Variants in TATDN1 observed in about 807,000 individuals in gnomAD.
TATDN1 encodes the protein deoxyribonuclease TATDN1.
A neutral mutation model predicts 46.4 loss-of-function variants in TATDN1; 40 were observed. That is an observed-to-expected ratio of 0.86 (90% CI 0.67 to 1.12). TATDN1 has a LOEUF of 1.12. TATDN1 is among the 50% of genes most tolerant of loss of function. The pLI, the probability that TATDN1 is intolerant of heterozygous loss-of-function variation, is 0.00. For synonymous variants in TATDN1, 95 were observed against 105.6 expected, an observed-to-expected ratio of 0.90 and a Z score of 0.62; for missense variants, 326 against 348.4, an observed-to-expected ratio of 0.94 and a Z score of 0.51.
rs913820200 is a variant in TATDN1, at chr8:124,516,305, A to AT, written c.203-276dup. Among the ~76,000 whole-genome samples, 343 of 144,126 alleles carry AT rather than the reference A, an allele frequency of 2.4e-3. 4 individuals carry two copies. Among genetic ancestry groups the AT allele is most frequent in the South Asian group, 0.018 (79 of 4,514 alleles). 94.6% of individuals were successfully genotyped at this position (144,126 alleles called of 152,430 possible). On this transcript the variant is annotated intron_variant, in intron 4 of 11. Coordinates refer to ENST00000276692, the MANE Select transcript of TATDN1 (RefSeq NM_032026.4). ...TTAGGGCTGTAGAATGCAAAGTGAA[A>AT]TTTTTTTTTTTTTTTGAGACAGGGT...
Position 124,522,186 on chromosome 8 carries a change from C to T in TATDN1, c.103G>A (p.Val35Ile), listed in dbSNP as rs747690686. The T allele has an allele frequency of 1.6e-5, 26 of 1,595,572 alleles. No individual in the cohort carries two copies. The highest frequency in any genetic ancestry group is 3.5e-5 in the Admixed American group (2 of 57,346). Residue 35 changes from valine (V) to isoleucine (I), a missense_variant, in exon 3 of 12, where the codon GTA becomes ATA. Val to Ile is a conservative substitution (Grantham distance 29). Coordinates refer to ENST00000276692, the MANE Select transcript of TATDN1 (RefSeq NM_032026.4). ...CCAATCTCGACAGCTCTCCCTATTA[C>T]ATCCTGTAAGTCATCTGTAAAAGAT... ...VQKHQDDLQD[V>I]IGRAVEIGVK...
At chr8:124,523,127 C>T in intron 1 of TATDN1, 125 bp from the exon 2 acceptor site, 1 of 736,830 alleles carries the variant, frequency 1.4e-6, no homozygotes, top group Non-Finnish European at 2.3e-6. Context: ...ATCCAAGTGC[C>T]TACCACTTGT....
chr8:124,535,522 G>A (rs141856528), intron 1 of TATDN1, among the ~76,000 whole-genome samples: 47 of 152,260 alleles, frequency 3.1e-4, no homozygotes, highest in Non-Finnish European at 5.9e-4. Context: ...TATGATTTTG[G>A]TACTAGTTAA....
chr8:124,490,787 C>A (rs1486726824), intron 11 of TATDN1, among the ~76,000 whole-genome samples: 1 of 150,808 alleles, frequency 6.6e-6, no homozygotes, highest in Non-Finnish European at 1.5e-5. Flanking sequence ...TACACTGTGG[C>A]CCAAGCTGGA....
intron 6 of TATDN1, 142 bp downstream of exon 6, chr8:124,515,604 T>C (rs1819390801): frequency 9.8e-6 from 7 of 712,250 alleles, no homozygotes; most frequent in Non-Finnish European, 1.6e-5. Context: ...TGCATGGAAT[T>C]TGTTTCACTT....
chr8:124,522,913 C>T (rs767984671), intron 2 of TATDN1, 24 bp downstream of exon 2: 22 of 1,597,088 alleles, frequency 1.4e-5, no homozygotes, highest in East Asian at 8.9e-5. Flanking sequence ...GGAAACTATT[C>T]GCCTTAATAA....
intron 1 of TATDN1, among the ~76,000 whole-genome samples, chr8:124,533,584 C>T (rs1392680548): frequency 6.6e-6 from 1 of 152,098 alleles, no homozygotes; most frequent in Admixed American, 6.6e-5. Flanking sequence ...TGGCTGAAGT[C>T]AGCAGAGGAG....
At chr8:124,496,557 T>C (rs1283209097) in intron 9 of TATDN1, among the ~76,000 whole-genome samples, 1 of 152,228 alleles carries the variant, frequency 6.6e-6, no homozygotes, top group Non-Finnish European at 1.5e-5. Context: ...TTCCAGACTG[T>C]CACATAGTTT....
rs780929531 is a variant in TATDN1 at position 124,504,362 on chromosome 8, G to T, written c.517-15C>A. On this transcript the variant is annotated splice_polypyrimidine_tract_variant and intron_variant, in intron 8 of 11. Coordinates refer to ENST00000276692, the MANE Select transcript of TATDN1 (RefSeq NM_032026.4). Reference sequence around the variant, plus strand: ...AATGAATGCACCTGGGGACATACAGGTATAAGTTTATTATTATAATAATTA... The same window carrying T: ...AATGAATGCACCTGGGGACATACAGTTATAAGTTTATTATTATAATAATTA... The T allele has an allele frequency of 1.3e-6, 2 of 1,523,054 alleles. No homozygotes were observed. The highest frequency in any genetic ancestry group is 1.8e-6 in the Non-Finnish European group (2 of 1,131,580). The allele number at this position is 1,523,054 out of a possible 1,614,324, so 94.3% of individuals were successfully genotyped here. A position where few individuals can be genotyped will look rare whatever the true frequency, so the allele number is the denominator to read the frequency against.
intron 3 of TATDN1, among the ~76,000 whole-genome samples, chr8:124,520,973 T>A (rs1586650401): frequency 6.7e-6 from 1 of 149,794 alleles, no homozygotes; most frequent in Non-Finnish European, 1.5e-5. Context: ...AAGATAACGA[T>A]GATGATGATC....
At chr8:124,510,072 G>C (rs1818878551) in intron 6 of TATDN1, among the ~76,000 whole-genome samples, 1 of 150,856 alleles carries the variant, frequency 6.6e-6, no homozygotes. Context: ...AATAGAAATA[G>C]TCTTCCTAAA....
At position 124,522,971 on chromosome 8, in the gene TATDN1, G is replaced by A. The variant is rs910077937; in HGVS notation, c.54C>T (p.Phe18=). The A allele has an allele frequency of 6.2e-7, 1 of 1,613,300 alleles. No homozygotes were observed. Among genetic ancestry groups the A allele is most frequent in the Non-Finnish European group, 8.5e-7 (1 of 1,179,662 alleles). ...DIGINLTDPM[F]RGIYRGVQKH... ...TTTGAACCCCCCTATAAATTCCTCT[G>A]AACATAGGGTCAGTCAAGTTGATAC... The change falls in exon 2 of 12, where the codon TTC becomes TTT. Residue 18 remains phenylalanine (F), a synonymous_variant. Transcript: ENST00000276692.
At chr8:124,508,969 T>G (rs1818767645) in intron 6 of TATDN1, among the ~76,000 whole-genome samples, 1 of 152,210 alleles carries the variant, frequency 6.6e-6, no homozygotes, top group Non-Finnish European at 1.5e-5. Flanking sequence ...GCACCATCAG[T>G]GGGAGTCAAC....
intron 9 of TATDN1, among the ~76,000 whole-genome samples, chr8:124,498,562 C>T (rs981217912): frequency 3.3e-5 from 5 of 151,998 alleles, no homozygotes; most frequent in Non-Finnish European, 5.9e-5. Context: ...GGCCCAAAGC[C>T]CCCCTATTGG....
At chr8:124,526,490 C>T (rs751998034) in intron 1 of TATDN1, among the ~76,000 whole-genome samples, 53 of 152,078 alleles carry the variant, frequency 3.5e-4, no homozygotes, top group Non-Finnish European at 7.1e-4. Flanking sequence ...GTAAGAGATA[C>T]GGGTGGGAGG....
chr8:124,492,768 A>T (rs986669938), intron 11 of TATDN1, among the ~76,000 whole-genome samples: 1 of 151,862 alleles, frequency 6.6e-6, no homozygotes, highest in African/African-American at 2.4e-5. Context: ...AAAAAAAAAA[A>T]AAAAGATTTA....
chr8:124,508,084 A>C (rs1414660773), intron 8 of TATDN1, among the ~76,000 whole-genome samples: 1 of 152,222 alleles, frequency 6.6e-6, no homozygotes, highest in Non-Finnish European at 1.5e-5. Flanking sequence ...ATCCTTAATA[A>C]CCAAGATGCT....
intron 1 of TATDN1, among the ~76,000 whole-genome samples, chr8:124,526,509 G>A (rs1820513972): frequency 6.6e-6 from 1 of 152,152 alleles, no homozygotes; most frequent in African/African-American, 2.4e-5. Flanking sequence ...GGGAATGATA[G>A]GAACAAAAAC....
At chr8:124,533,128 T>C (rs1408302983) in intron 1 of TATDN1, among the ~76,000 whole-genome samples, 1 of 151,804 alleles carries the variant, frequency 6.6e-6, no homozygotes. Context: ...GGCAGGCGCC[T>C]GTAGTCCCAG....
Sources: gnomAD v4.1 joint callset for allele counts (sites outside exome capture counted in the v4.1 genomes callset) on GRCh38, gnomAD v4.1.1 for gene constraint, MANE v1.5 for transcripts, NCBI Gene and HGNC (gene_info 2026-07-23, HGNC 2026-07-21) for gene names.